ALG8: variants seen among roughly 807,000 people sequenced by gnomAD.
ALG8 encodes ALG8 alpha-1,3-glucosyltransferase, also known as dolichyl pyrophosphate Glc1Man9GlcNAc2 alpha-1,3-glucosyltransferase.
Under a neutral mutation model 70.2 loss-of-function variants are expected in ALG8, and 48 were observed. The observed-to-expected ratio is 0.68, with a 90% CI of 0.54 to 0.87. The LOEUF is 0.87. Ranked by LOEUF, ALG8 falls within the 40% of genes least tolerant of loss-of-function variation. The probability of loss-of-function intolerance (pLI) is 0.00; values close to 1 mark genes in which losing one functional copy is unlikely to be tolerated. For missense variants in ALG8, 572 were observed against 608.7 expected (o/e 0.94, Z 0.64); for synonymous variants, 234 against 229.0 (o/e 1.02, Z -0.20).
chr11:78,135,724 T>C (rs1861515232), intron 1 of ALG8, among the ~76,000 whole-genome samples: 1 of 152,106 alleles, frequency 6.6e-6, no homozygotes. Flanking sequence ...GGTGTGCACC[T>C]GTAATCCCAG....
chr11:78,121,794 A>G (rs537077819), intron 3 of ALG8, among the ~76,000 whole-genome samples: 1 of 152,316 alleles, frequency 6.6e-6, no homozygotes, highest in South Asian at 2.1e-4. Context: ...ATATCATAAT[A>G]CCAGCCAAAT....
intron 5 of ALG8, 145 bp from the exon 6 acceptor site, chr11:78,114,537 T>C (rs939118796): frequency 2.8e-4 from 283 of 998,534 alleles, no homozygotes; most frequent in Admixed American, 4.4e-4. Context: ...ATTGCTTTCT[T>C]AGTCTTGATG....
intron 8 of ALG8, among the ~76,000 whole-genome samples, chr11:78,110,284 C>T (rs564211448): frequency 4.6e-5 from 7 of 152,214 alleles, no homozygotes; most frequent in African/African-American, 1.4e-4. Flanking sequence ...TCCCAGGTTC[C>T]AGGTTCCAGC....
chr11:78,109,027 C>T (rs372656614), intron 9 of ALG8, among the ~76,000 whole-genome samples: 1 of 152,200 alleles, frequency 6.6e-6, no homozygotes, highest in Admixed American at 6.5e-5. Context: ...AACTCATTAT[C>T]ACCATCAAGA....
At chr11:78,139,434 TC>T in intron 1 of ALG8, 59 bp downstream of exon 1, 1 of 1,512,502 alleles carries the variant, frequency 6.6e-7, no homozygotes, top group Non-Finnish European at 9.0e-7. Context: ...CACCTTTCTC[TC>T]CCGCCCTGAC....
chr11:78,112,349 G>A, intron 8 of ALG8: 1 of 355,670 alleles, frequency 2.8e-6, no homozygotes, highest in East Asian at 7.0e-5. Context: ...TGCTGCTGCT[G>A]AATAGTTTTT....
At chr11:78,106,103 T>G (rs945323196) in intron 10 of ALG8, among the ~76,000 whole-genome samples, 1 of 152,190 alleles carries the variant, frequency 6.6e-6, no homozygotes, top group African/African-American at 2.4e-5. Context: ...CAGGTATTAT[T>G]CCAGAATAGA....
At position 78,106,957 on chromosome 11, in the gene ALG8, C is replaced by G; in HGVS notation, c.1039-11G>C. On this transcript the variant is annotated splice_polypyrimidine_tract_variant and intron_variant, in intron 9 of 12. Coordinates refer to ENST00000299626, the MANE Select transcript of ALG8 (RefSeq NM_024079.5). The stretch of plus-strand genomic sequence containing the variant: ...ACAGAAAATAGAGGGCTAGAAACAA[C>G]AGGCAAAGATAAACTTCAGTATCAT... The G allele has an allele frequency of 6.2e-7, 1 of 1,613,766 alleles. No individual in the cohort carries two copies. The highest frequency in any genetic ancestry group is 8.5e-7 in the Non-Finnish European group (1 of 1,179,876).
chr11:78,121,278 C>T, intron 3 of ALG8, 104 bp from the exon 4 acceptor site: 2 of 762,818 alleles, frequency 2.6e-6, no homozygotes. Context: ...TGACAAACTA[C>T]ATGCCATTCT....
At chr11:78,103,911 G>T in intron 12 of ALG8, 69 bp downstream of exon 12, 1 of 849,084 alleles carries the variant, frequency 1.2e-6, no homozygotes, top group Non-Finnish European at 1.9e-6. Context: ...AATTTAAAGA[G>T]CTTATTTGAC....
chr11:78,126,632 T>A (rs1861093234), intron 2 of ALG8, among the ~76,000 whole-genome samples: 3 of 152,036 alleles, frequency 2.0e-5, no homozygotes, highest in Admixed American at 2.0e-4. Flanking sequence ...TGTCTACACA[T>A]CACATTTGAT....
intron 8 of ALG8, among the ~76,000 whole-genome samples, chr11:78,112,177 TGAGAC>T (rs1257168322): frequency 2.6e-5 from 4 of 152,114 alleles, no homozygotes; most frequent in Non-Finnish European, 5.9e-5. Flanking sequence ...CTCAGGAGGC[TGAGAC>T]AAGAGGACTG....
intron 1 of ALG8, among the ~76,000 whole-genome samples, chr11:78,134,449 A>T (rs1385381654): frequency 6.6e-6 from 1 of 152,148 alleles, no homozygotes; most frequent in Non-Finnish European, 1.5e-5. Flanking sequence ...GACTGTGGCA[A>T]TTGCTTAAAA....
In ALG8 at chr11:78,117,382, C is replaced by T. The variant is rs139510556; in HGVS notation, c.546+1800G>A. Among the ~76,000 whole-genome samples the T allele has an allele frequency of 3.8e-3, 586 of 152,242 alleles. 5 individuals are homozygous for T. Among genetic ancestry groups the T allele is most frequent in the African/African-American group, 0.013 (540 of 41,534 alleles). On this transcript the variant is annotated intron_variant, in intron 5 of 12. Coordinates refer to ENST00000299626, the MANE Select transcript of ALG8 (RefSeq NM_024079.5). Reference sequence around the variant, plus strand: ...ATAGGAGGAATAATAATTCTAACAACTTCACAGAATGGTTCTGAAGTTTAC... The same window carrying T: ...ATAGGAGGAATAATAATTCTAACAATTTCACAGAATGGTTCTGAAGTTTAC...
At chr11:78,133,443 T>C (rs1403944592) in intron 1 of ALG8, 10 of 152,192 alleles carry the variant, frequency 6.6e-5, no homozygotes, top group Non-Finnish European at 1.5e-5. Flanking sequence ...GTTTCATAAA[T>C]TTGCATGCTA....
intron 10 of ALG8, 26 bp from the exon 11 acceptor site, chr11:78,104,479 A>G (rs1859933284): frequency 6.5e-7 from 1 of 1,545,550 alleles, no homozygotes; most frequent in African/African-American, 1.4e-5. Flanking sequence ...ATTTCTTAAA[A>G]CAACAACTGT....
At chr11:78,128,767 C>T (rs970697907) in intron 1 of ALG8, among the ~76,000 whole-genome samples, 7 of 151,856 alleles carry the variant, frequency 4.6e-5, no homozygotes, top group East Asian at 3.9e-4. Context: ...CGCGGCACCA[C>T]GCCTGGCTAA....
At chr11:78,138,684 A>C (rs1590851013) in intron 1 of ALG8, 1 of 455,008 alleles carries the variant, frequency 2.2e-6, no homozygotes, top group East Asian at 7.0e-5. Flanking sequence ...GGCGGAAGCC[A>C]ATATTAATAA....
intron 1 of ALG8, among the ~76,000 whole-genome samples, chr11:78,132,354 T>C (rs1861341839): frequency 6.6e-6 from 1 of 152,226 alleles, no homozygotes; most frequent in Non-Finnish European, 1.5e-5. Context: ...GCATCTTCTC[T>C]CATGTAGACT....
Sources: allele counts gnomAD v4.1 joint callset (sites outside exome capture counted in the v4.1 genomes callset), GRCh38; gene constraint gnomAD v4.1.1; transcripts MANE v1.5; gene names NCBI Gene and HGNC (gene_info 2026-07-23, HGNC 2026-07-21).